Variants in PHACTR4 observed in about 807,000 individuals in gnomAD.
PHACTR4 encodes phosphatase and actin regulator 4.
Under a neutral mutation model 72.7 loss-of-function variants are expected in PHACTR4, and 51 were observed. That is an observed-to-expected ratio of 0.70 (90% CI 0.56 to 0.89). The LOEUF (loss-of-function observed/expected upper bound fraction) is 0.89, where lower values mean the gene tolerates loss of function less well. PHACTR4 is among the 40% of genes least tolerant of loss of function. PHACTR4 has a pLI of 0.00. For synonymous variants in PHACTR4, 255 were observed against 302.5 expected, an observed-to-expected ratio of 0.84 and a Z score of 1.63; for missense variants, 731 against 861.8, an observed-to-expected ratio of 0.85 and a Z score of 1.90.
rs770613951 is a variant in PHACTR4 at position 28,476,192 on chromosome 1, C to T, written c.1507C>T (p.Pro503Ser). 2 of 1,613,860 alleles carry T rather than the reference C, an allele frequency of 1.2e-6. No homozygotes were observed. The highest frequency in any genetic ancestry group is 2.2e-5 in the South Asian group (2 of 91,054). The change falls in exon 8 of 14, where the codon CCA becomes TCA. Residue 503 changes from proline to serine, a missense_variant. Transcript: ENST00000373839. The part of the protein sequence containing the change: ...MTPTSVIPKL[P>S]QCLREEEEKE... ...ACCTACCTCAGTCATTCCTAAATTA[C>T]CACAGTGTCTACGGGAGGAAGAAGA...
At chr1:28,378,949 T>G (rs759091360) in intron 1 of PHACTR4, among the ~76,000 whole-genome samples, 1 of 152,070 alleles carries the variant, frequency 6.6e-6, no homozygotes, top group Non-Finnish European at 1.5e-5. Flanking sequence ...TTATTTTTAT[T>G]TATGTATGTA....
At chr1:28,448,722 A>G (rs1657680430) in intron 2 of PHACTR4, among the ~76,000 whole-genome samples, 1 of 130,828 alleles carries the variant, frequency 7.6e-6, no homozygotes, top group South Asian at 2.4e-4. Flanking sequence ...AGATCGTGCC[A>G]CTGCACTCCA....
chr1:28,383,054 A>G (rs1232254486), intron 1 of PHACTR4, among the ~76,000 whole-genome samples: 3 of 152,080 alleles, frequency 2.0e-5, no homozygotes, highest in Non-Finnish European at 4.4e-5. Flanking sequence ...TGGCTTACCA[A>G]AGTGTTGGGA....
At position 28,500,173 on chromosome 1, in the gene PHACTR4, C is replaced by T; in HGVS notation, c.*3624C>T. ...GTATATAAAAATGGATTTTGTGTTC[C>T]CTTTCCATGTAAGTACCAACTTATA... On this transcript the variant is annotated 3_prime_UTR_variant, in exon 14 of 14. Transcript: ENST00000373839. 6.6e-6 allele frequency: 1 copy of T among 151,906 alleles called. No homozygotes were observed. The highest frequency in any genetic ancestry group is 3.2e-3 in the Middle Eastern group (1 of 316). The allele number at this position is 151,906 out of a possible 1,614,324, so 9.4% of individuals were successfully genotyped here.
Position 28,460,294 on chromosome 1 carries a change from TGA to T in PHACTR4, c.271+4_271+5del. The T allele has an allele frequency of 6.2e-7, 1 of 1,609,288 alleles. No individual in the cohort carries two copies. The highest frequency in any genetic ancestry group is 8.5e-7 in the Non-Finnish European group (1 of 1,176,032). On this transcript the variant is annotated splice_donor_region_variant and intron_variant, in intron 4 of 13. Coordinates refer to ENST00000373839, the MANE Select transcript of PHACTR4 (RefSeq NM_001048183.3). ...TTCTGTTGGAAGACCCTGAGCAAGG[TGA>T]GTTTACAAATAAATAGCATATGCCT...
Position 28,466,777 on chromosome 1 carries a change from G to C in PHACTR4, c.823+9G>C. The C allele has an allele frequency of 1.3e-6, 2 of 1,599,478 alleles. No homozygotes were observed. The highest frequency in any genetic ancestry group is 2.2e-5 in the South Asian group (2 of 89,760). On this transcript the variant is annotated intron_variant, in intron 6 of 13. Transcript: ENST00000373839. ...TAGCAACCCTGTCATTGGTAAGTAA[G>C]TCTTTAGGCTTCCAGTGTTTTGGGT...
rs57186471 is a variant in PHACTR4, at chr1:28,409,951, A to ATTTT, written c.16+2519_16+2522dup. Among the ~76,000 whole-genome samples, 468 of 66,358 alleles carry ATTTT rather than the reference A, an allele frequency of 7.1e-3. 41 individuals are homozygous for ATTTT. Among genetic ancestry groups the ATTTT allele is most frequent in the African/African-American group, 0.022 (337 of 15,666 alleles). 43.5% of individuals were successfully genotyped at this position (66,358 alleles called of 152,430 possible). ...GAGGGCAGTCTGTACTTCTTCATAA[A>ATTTT]TTTTTTTTTTTTTTTTTTTTTTTTT... On this transcript the variant is annotated intron_variant, in intron 2 of 13. Transcript: ENST00000373839.
chr1:28,423,439 A>G (rs1042124971), intron 2 of PHACTR4, among the ~76,000 whole-genome samples: 5 of 146,422 alleles, frequency 3.4e-5, no homozygotes, highest in Non-Finnish European at 7.4e-5. Flanking sequence ...AAATAAATAA[A>G]TAAATGAGTA....
intron 2 of PHACTR4, 78 bp downstream of exon 2, chr1:28,407,541 T>C (rs1654440021): frequency 7.3e-7 from 1 of 1,369,870 alleles, no homozygotes; most frequent in Non-Finnish European, 1.0e-6. Flanking sequence ...TGAGAGTAAA[T>C]TGGTTTTTTT....
intron 7 of PHACTR4, among the ~76,000 whole-genome samples, chr1:28,474,652 C>G (rs1159669469): frequency 1.4e-5 from 2 of 147,216 alleles, no homozygotes; most frequent in Non-Finnish European, 3.0e-5. Flanking sequence ...AAGCGATTCT[C>G]CTGCCTCAGC....
At chr1:28,391,641 T>C (rs1321997205) in intron 1 of PHACTR4, among the ~76,000 whole-genome samples, 1 of 148,148 alleles carries the variant, frequency 6.8e-6, no homozygotes, top group Non-Finnish European at 1.5e-5. Flanking sequence ...GTTTCACTCT[T>C]TTTGGCCAGG....
chr1:28,381,390 C>T (rs1242787088), intron 1 of PHACTR4, among the ~76,000 whole-genome samples: 1 of 151,208 alleles, frequency 6.6e-6, no homozygotes, highest in Non-Finnish European at 1.5e-5. Flanking sequence ...CCTCCGCCTC[C>T]CGGGTTCAAG....
At chr1:28,489,825 C>T (rs779018970) in intron 10 of PHACTR4, 1 of 518,982 alleles carries the variant, frequency 1.9e-6, no homozygotes, top group Non-Finnish European at 3.8e-6. Context: ...AAGGTTTGGG[C>T]TTCCTTGGGG....
chr1:28,381,431 T>C (rs765065436), intron 1 of PHACTR4, among the ~76,000 whole-genome samples: 4 of 151,816 alleles, frequency 2.6e-5, no homozygotes, highest in Non-Finnish European at 5.9e-5. Flanking sequence ...CCCGAGTAGC[T>C]GGGACTACAG....
At chr1:28,450,904 G>A (rs527275220) in intron 2 of PHACTR4, among the ~76,000 whole-genome samples, 31 of 150,256 alleles carry the variant, frequency 2.1e-4, no homozygotes, top group African/African-American at 6.4e-4. Context: ...TCTGCCTCCC[G>A]GGTTCAAGAG....
intron 1 of PHACTR4, 58 bp downstream of exon 1, chr1:28,369,883 T>TCCTCTCAGGCTGCGGCCC (rs1651082784): frequency 2.4e-6 from 1 of 415,364 alleles, no homozygotes; most frequent in African/African-American, 2.1e-5. Flanking sequence ...GGCTGCGGCC[T>TCCTCTCAGGCTGCGGCCC]CCTCTCAGGC....
In PHACTR4 at chr1:28,497,627, C is replaced by T. The variant is rs933815854; in HGVS notation, c.*1078C>T. 1 of 151,342 alleles carries T rather than the reference C, an allele frequency of 6.6e-6. No individual in the cohort carries two copies. The highest frequency in any genetic ancestry group is 2.4e-5 in the African/African-American group (1 of 41,152). The allele number at this position is 151,342 out of a possible 1,614,324, so 9.4% of individuals were successfully genotyped here. A position where few individuals can be genotyped will look rare whatever the true frequency, so the allele number is the denominator to read the frequency against. On this transcript the variant is annotated 3_prime_UTR_variant, in exon 14 of 14. Transcript: ENST00000373839. ...GCGTTTTGAGCCCCTGTGCTCAGGCCCACTCCCACACTGTGGAGTGTACTT... is the reference window on the plus strand; with the variant it reads ...GCGTTTTGAGCCCCTGTGCTCAGGCTCACTCCCACACTGTGGAGTGTACTT...
chr1:28,459,395 C>CTTTT (rs367934288), intron 3 of PHACTR4, 137 bp downstream of exon 3: 176 of 282,554 alleles, frequency 6.2e-4, no homozygotes, highest in African/African-American at 1.2e-3. Context: ...TTTCCTTCTT[C>CTTTT]TTTTTTTTTT....
At chr1:28,413,716 GTC>G (rs1654923019) in intron 2 of PHACTR4, among the ~76,000 whole-genome samples, 2 of 151,900 alleles carry the variant, frequency 1.3e-5, no homozygotes, top group Admixed American at 1.3e-4. Context: ...GCCCTGCATA[GTC>G]TCTTTTTTTC....
Sources: allele counts gnomAD v4.1 joint callset (sites outside exome capture counted in the v4.1 genomes callset), GRCh38; gene constraint gnomAD v4.1.1; transcripts MANE v1.5; gene names NCBI Gene and HGNC (gene_info 2026-07-23, HGNC 2026-07-21).